Variants in ZNF790 observed in about 807,000 individuals in gnomAD.
The protein encoded by ZNF790 is zinc finger protein 790.
ZNF790 carries 8 observed loss-of-function variants against 12.1 expected under a neutral mutation model. The ratio of observed to expected loss-of-function variants is 0.66; its 90% CI spans 0.39 to 1.19. The LOEUF (loss-of-function observed/expected upper bound fraction) is 1.19. ZNF790 is among the 50% of genes most tolerant of loss of function. The pLI is 0.01. For synonymous variants in ZNF790, 252 were observed against 244.3 expected (o/e 1.03, Z -0.29); for missense variants, 707 against 752.2 (o/e 0.94, Z 0.70).
chr19:36,829,491 T>G (rs1300133267), intron 1 of ZNF790, among the ~76,000 whole-genome samples: 2 of 152,254 alleles, frequency 1.3e-5, no homozygotes, highest in Admixed American at 1.3e-4. Context: ...CTGAATAATA[T>G]CTCTGCAAAT....
chr19:36,845,182 C>T (rs1329259573), intron 1 of ZNF790, among the ~76,000 whole-genome samples: 1 of 151,428 alleles, frequency 6.6e-6, no homozygotes, highest in Non-Finnish European at 1.5e-5. Context: ...ATCTGGGAGG[C>T]CAAGGTGGAG....
chr19:36,827,034 A>G (rs2071820806), intron 1 of ZNF790, among the ~76,000 whole-genome samples: 1 of 150,028 alleles, frequency 6.7e-6, no homozygotes, highest in African/African-American at 2.5e-5. Context: ...AAGAGAAGGG[A>G]AAATATATGT....
At chr19:36,825,733 T>G in intron 1 of ZNF790, 41 bp from the exon 2 acceptor site, 1 of 1,169,376 alleles carries the variant, frequency 8.6e-7, no homozygotes, top group Non-Finnish European at 1.3e-6. Context: ...TTCTCAGAGC[T>G]CTCAAAGGGA....
intron 1 of ZNF790, among the ~76,000 whole-genome samples, chr19:36,826,581 CAA>C (rs34066712): frequency 5.7e-4 from 75 of 130,730 alleles, no homozygotes; most frequent in Non-Finnish European, 9.7e-4. Flanking sequence ...GACTCGGTCT[CAA>C]AAAAAAAAAA....
In ZNF790 at chr19:36,819,865, T is replaced by C; in HGVS notation, c.479A>G (p.His160Arg). The C allele has an allele frequency of 7.4e-6, 12 of 1,614,204 alleles. No homozygotes were observed. Among genetic ancestry groups the C allele is most frequent in the Non-Finnish European group, 1.0e-5 (12 of 1,180,024 alleles). The change falls in exon 5 of 5, where the codon CAC (histidine) becomes CGC (arginine). Residue 160 changes from histidine (H) to arginine (R), a missense_variant. His to Arg is a conservative substitution (Grantham distance 29). Coordinates refer to ENST00000356725, the MANE Select transcript of ZNF790 (RefSeq NM_206894.4). ...TFNQHTVFNL[H>R]QRLNTGDKLN... Reference sequence around the variant, plus strand: ...TTTGTCTCCTGTATTAAGTCTCTGGTGTAGATTAAACACTGTATGCTGGTT... The same window carrying C: ...TTTGTCTCCTGTATTAAGTCTCTGGCGTAGATTAAACACTGTATGCTGGTT...
At chr19:36,821,773 G>A (rs1258628146) in intron 4 of ZNF790, among the ~76,000 whole-genome samples, 1 of 151,984 alleles carries the variant, frequency 6.6e-6, no homozygotes, top group African/African-American at 2.4e-5. Context: ...TAGTAGAGAT[G>A]GGATTTTGCC....
At chr19:36,823,588 T>TA in intron 3 of ZNF790, 79 bp downstream of exon 3, 1 of 1,552,008 alleles carries the variant, frequency 6.4e-7, no homozygotes. Flanking sequence ...GGTCAGAAGT[T>TA]ACCCTGGACA....
upstream of ZNF790, among the ~76,000 whole-genome samples, chr19:36,842,255 G>C (rs1033160940): frequency 1.3e-5 from 2 of 152,138 alleles, no homozygotes; most frequent in African/African-American, 4.8e-5. Flanking sequence ...AGAATATATA[G>C]AGAACCTTCA....
intron 1 of ZNF790, chr19:36,828,115 A>C (rs1166925012): frequency 6.6e-6 from 1 of 152,194 alleles, no homozygotes; most frequent in Non-Finnish European, 1.5e-5. Context: ...GAGAACATGA[A>C]GTACTTGAGA....
In ZNF790 at chr19:36,818,783, G is replaced by A. The variant is rs1304368976; in HGVS notation, c.1561C>T (p.Leu521Phe). Reference sequence around the variant, plus strand: ...GTATGCATTCTCTGATGTCGAGTAAGTTGTGAACCCCAGAGAAAGGCTTTT... The same window carrying A: ...GTATGCATTCTCTGATGTCGAGTAAATTGTGAACCCCAGAGAAAGGCTTTT... ...CGKAFLWGSQ[L>F]TRHQRMHTGE... The change falls in exon 5 of 5, where the codon CTT (leucine) becomes TTT (phenylalanine). Residue 521 changes from leucine (L) to phenylalanine (F), a missense_variant. Leu to Phe is a conservative substitution (Grantham distance 22). Coordinates refer to ENST00000356725, the MANE Select transcript of ZNF790 (RefSeq NM_206894.4). The A allele has an allele frequency of 6.2e-7, 1 of 1,610,458 alleles. No individual in the cohort carries two copies. The highest frequency in any genetic ancestry group is 8.5e-7 in the Non-Finnish European group (1 of 1,178,566).
chr19:36,819,689 C>A lies in ZNF790; in HGVS notation c.655G>T (p.Val219Phe), dbSNP rs979721864. Residue 219 changes from valine (V) to phenylalanine (F), a missense_variant, in exon 5 of 5, where the codon GTT becomes TTT. Coordinates refer to ENST00000356725, the MANE Select transcript of ZNF790 (RefSeq NM_206894.4). ...PDSEVIQYQTVHTVKKTYECK... is the reference protein window; with the variant it reads ...PDSEVIQYQTFHTVKKTYECK... ...TCATATGTTTTCTTAACAGTGTGAA[C>A]TGTCTGATATTGAATAACTTCTGAA... The A allele has an allele frequency of 1.9e-6, 3 of 1,613,190 alleles. No individual in the cohort carries two copies. In the East Asian group the frequency reaches 6.7e-5, roughly 36 times the overall value.
chr19:36,827,791 GGATCCTGTTAT>G (rs1285153017), intron 1 of ZNF790: 2 of 152,132 alleles, frequency 1.3e-5, no homozygotes, highest in African/African-American at 4.8e-5. Context: ...TATAAAGCAG[GGATCCTGTTAT>G]GAAAAGCCCT....
intron 1 of ZNF790, among the ~76,000 whole-genome samples, chr19:36,836,574 C>T (rs1444728466): frequency 1.3e-5 from 2 of 152,064 alleles, no homozygotes; most frequent in Non-Finnish European, 2.9e-5. Context: ...CTGGCCGACA[C>T]GGTGAAACCC....
upstream of ZNF790, among the ~76,000 whole-genome samples, chr19:36,838,820 T>A (rs558904021): frequency 6.6e-6 from 1 of 152,318 alleles, no homozygotes; most frequent in East Asian, 1.9e-4. The surrounding 1 kb of genome is among the most constrained non-coding windows in gnomAD (Gnocchi z 4.4). Context: ...CTCTGACCTA[T>A]GTGGCATGGC....
intron 1 of ZNF790, among the ~76,000 whole-genome samples, chr19:36,845,350 AGGCT>A (rs1187197066): frequency 4.0e-5 from 6 of 151,550 alleles, no homozygotes; most frequent in Non-Finnish European, 7.4e-5. Context: ...TGGGAGGTCG[AGGCT>A]GCAGTGAGCC....
chr19:36,818,267 CATG>C lies in ZNF790; in HGVS notation c.*163_*165del. ...AGTAATTTCTTTCCTATATTGATTG[CATG>C]ATGAATTCTCTGCTGCTGCTGCTGC... On this transcript the variant is annotated 3_prime_UTR_variant, in exon 5 of 5. Transcript: ENST00000356725. 1.8e-6 allele frequency: 1 copy of C among 547,772 alleles called. No homozygotes were observed. The highest frequency in any genetic ancestry group is 2.8e-6 in the Non-Finnish European group (1 of 351,754). The allele number at this position is 547,772 out of a possible 1,614,324, so 33.9% of individuals were successfully genotyped here.
chr19:36,846,427 T>C (rs1043951633), intron 1 of ZNF790, among the ~76,000 whole-genome samples: 4 of 152,120 alleles, frequency 2.6e-5, no homozygotes, highest in Admixed American at 6.5e-5. Flanking sequence ...TAGCCGGGCA[T>C]GGTGGCAGGC....
chr19:36,835,991 G>A (rs1334160793), intron 1 of ZNF790, among the ~76,000 whole-genome samples: 2 of 151,932 alleles, frequency 1.3e-5, no homozygotes, highest in Non-Finnish European at 2.9e-5. Context: ...GCCATATAAA[G>A]TAGCATCGTC....
chr19:36,822,287 T>G (rs989957456), intron 4 of ZNF790, among the ~76,000 whole-genome samples: 1 of 152,052 alleles, frequency 6.6e-6, no homozygotes, highest in African/African-American at 2.4e-5. Context: ...AAAAATTTTT[T>G]TAACTGAATG....
Sources: gnomAD v4.1 joint callset for allele counts (sites outside exome capture counted in the v4.1 genomes callset) on GRCh38, gnomAD v4.1.1 for gene constraint, Gnocchi (gnomAD v3.1) non-coding constraint, MANE v1.5 for transcripts, NCBI Gene and HGNC (gene_info 2026-07-23, HGNC 2026-07-21) for gene names.